Variants in CORO1C observed in about 807,000 individuals in gnomAD.
The protein encoded by CORO1C is coronin 1C.
In CORO1C, 14 loss-of-function variants were observed where a neutral mutation model predicts 51.2. That is an observed-to-expected ratio of 0.27 (90% CI 0.18 to 0.43). CORO1C has a LOEUF of 0.43. CORO1C is among the 20% of genes least tolerant of loss of function. The pLI is 1.00. For missense variants in CORO1C, 417 were observed against 607.8 expected (o/e 0.69, Z 3.30); for synonymous variants, 181 against 210.5 (o/e 0.86, Z 1.21).
At chr12:108,664,891 C>G (rs1244385952) in intron 3 of CORO1C, among the ~76,000 whole-genome samples, 1 of 152,180 alleles carries the variant, frequency 6.6e-6, no homozygotes, top group Non-Finnish European at 1.5e-5. Context: ...GACAGAAAAA[C>G]AATTATGAAA....
At chr12:108,660,631 C>T (rs1322071359) in intron 4 of CORO1C, among the ~76,000 whole-genome samples, 4 of 152,116 alleles carry the variant, frequency 2.6e-5, no homozygotes, top group Non-Finnish European at 5.9e-5. Context: ...ATATGCAGAA[C>T]ACGACAATCA....
intron 3 of CORO1C, chr12:108,668,571 G>C (rs902627871): frequency 6.6e-6 from 1 of 152,156 alleles, no homozygotes; most frequent in African/African-American, 2.4e-5. Flanking sequence ...GATTAGATAG[G>C]GTATTTTTGT....
intron 3 of CORO1C, chr12:108,668,324 T>G (rs80318260): frequency 6.6e-6 from 1 of 152,216 alleles, no homozygotes; most frequent in East Asian, 1.9e-4. Flanking sequence ...TATAATATCC[T>G]CTGGCAAATG....
In CORO1C at chr12:108,645,177, T is replaced by C. The variant is rs1257589392; in HGVS notation, c.*2226A>G. 6.6e-6 allele frequency: 1 copy of C among 150,378 alleles called. No individual in the cohort carries two copies. Among genetic ancestry groups the C allele is most frequent in the African/African-American group, 2.5e-5 (1 of 40,628 alleles). The allele number at this position is 150,378 out of a possible 1,614,324, so 9.3% of individuals were successfully genotyped here. ...TTTTGACAGAACACTATGGCCACTC[T>C]ATAAGAGCCGACCTAGGAGTAATTC... On this transcript the variant is annotated 3_prime_UTR_variant, in exon 11 of 11. Coordinates refer to ENST00000261401, the MANE Select transcript of CORO1C (RefSeq NM_014325.4).
intron 2 of CORO1C, among the ~76,000 whole-genome samples, chr12:108,696,163 G>C (rs1341241576): frequency 1.3e-5 from 2 of 152,122 alleles, no homozygotes; most frequent in African/African-American, 4.8e-5. Context: ...TCTTGTCCCA[G>C]GTAGTTTCTG....
At position 108,658,014 on chromosome 12, in the gene CORO1C, C is replaced by T. The variant is rs1359925329; in HGVS notation, c.631-591G>A. Among the ~76,000 whole-genome samples the T allele has an allele frequency of 6.6e-6, 1 of 152,114 alleles. No individual in the cohort carries two copies. The highest frequency in any genetic ancestry group is 1.5e-5 in the Non-Finnish European group (1 of 68,022). On this transcript the variant is annotated intron_variant, in intron 5 of 10. Transcript: ENST00000261401. The surrounding 1 kb of genome is among the most constrained non-coding windows in gnomAD (Gnocchi z 4.9). ...AGAACAACCACATCTCAGGAAGGGC[C>T]TCAGAGTGTGGCAAATGAGGACTTC...
intron 2 of CORO1C, among the ~76,000 whole-genome samples, chr12:108,691,060 G>A (rs765120641): frequency 1.3e-4 from 20 of 152,016 alleles, no homozygotes; most frequent in Admixed American, 1.1e-3. Context: ...CTTGGATGGT[G>A]GAGATGATAA....
rs140800408 is a variant in CORO1C, at chr12:108,651,114, G to A, written c.1001+1158C>T. Among the ~76,000 whole-genome samples the A allele has an allele frequency of 2.2e-3, 329 of 152,268 alleles. 1 individual carries two copies. The highest frequency in any genetic ancestry group is 7.3e-3 in the African/African-American group (303 of 41,550). On this transcript the variant is annotated intron_variant, in intron 8 of 10. Coordinates refer to ENST00000261401, the MANE Select transcript of CORO1C (RefSeq NM_014325.4). ...TTACAGGCACCCACGACCACACATA[G>A]CAAATTTTTTATTTTTAGTAGAGAT...
intron 6 of CORO1C, 59 bp from the exon 7 acceptor site, chr12:108,654,469 A>T: frequency 2.1e-6 from 2 of 972,890 alleles, no homozygotes; most frequent in Non-Finnish European, 3.1e-6. Context: ...TTAAAAATAA[A>T]TTTTTATAAC....
intron 4 of CORO1C, among the ~76,000 whole-genome samples, 178 bp from the exon 5 acceptor site, chr12:108,659,097 A>C (rs2033149699): frequency 6.6e-6 from 1 of 152,238 alleles, no homozygotes; most frequent in Non-Finnish European, 1.5e-5. Flanking sequence ...CCTACTTACT[A>C]ACAGCGTTAA....
rs35067523 is a variant in CORO1C, at chr12:108,645,230, TAAAAAAAAAA to T, written c.*2163_*2172del. 2.4e-5 allele frequency: 3 copies of T among 127,042 alleles called. No individual in the cohort carries two copies. The highest frequency in any genetic ancestry group is 7.9e-5 in the Admixed American group (1 of 12,584). 7.9% of individuals were successfully genotyped at this position (127,042 alleles called of 1,614,324 possible). ...TGTCCTCTTCTGGGATGTCATGGCT[TAAAAAAAAAA>T]AAAAAAAAAGACAAAACAGGAAAAT... On this transcript the variant is annotated 3_prime_UTR_variant, in exon 11 of 11. Coordinates refer to ENST00000261401, the MANE Select transcript of CORO1C (RefSeq NM_014325.4).
intron 2 of CORO1C, among the ~76,000 whole-genome samples, chr12:108,698,724 C>T (rs1265338413): frequency 6.6e-6 from 1 of 152,196 alleles, no homozygotes; most frequent in African/African-American, 2.4e-5. Context: ...AACTTTTATA[C>T]ACAGCTGCTT....
At chr12:108,675,669 A>G (rs1210722120) in intron 3 of CORO1C, among the ~76,000 whole-genome samples, 2 of 152,234 alleles carry the variant, frequency 1.3e-5, no homozygotes, top group African/African-American at 4.8e-5. Flanking sequence ...AAATTTTACC[A>G]GCTAAAAATT....
chr12:108,684,050 A>AACAG (rs1199547842), intron 2 of CORO1C, among the ~76,000 whole-genome samples: 1 of 152,204 alleles, frequency 6.6e-6, no homozygotes, highest in African/African-American at 2.4e-5. Flanking sequence ...AATGTAAATG[A>AACAG]ACAGACAAGT....
intron 1 of CORO1C, among the ~76,000 whole-genome samples, chr12:108,729,005 CAATT>C (rs920990609): frequency 1.3e-5 from 2 of 151,978 alleles, no homozygotes; most frequent in African/African-American, 4.8e-5. Flanking sequence ...TAAAACAGAC[CAATT>C]AATAATATGT....
At chr12:108,652,218 T>A (rs2032705602) in intron 8 of CORO1C, 54 bp downstream of exon 8, 7 of 1,549,912 alleles carry the variant, frequency 4.5e-6, no homozygotes, top group Non-Finnish European at 6.2e-6. Flanking sequence ...CAAGTACAAA[T>A]AATTGTCACA....
At chr12:108,654,465 A>C in intron 6 of CORO1C, 55 bp from the exon 7 acceptor site, 1 of 947,928 alleles carries the variant, frequency 1.1e-6, no homozygotes, top group Non-Finnish European at 1.6e-6. Flanking sequence ...TTTTTTAAAA[A>C]TAAATTTTTA....
Position 108,645,230 on chromosome 12 carries a change from T to TAAAAAAAAA in CORO1C, c.*2164_*2172dup, listed in dbSNP as rs35067523. ...TGTCCTCTTCTGGGATGTCATGGCTTAAAAAAAAAAAAAAAAAAAGACAAA... is the reference window on the plus strand; with the variant it reads ...TGTCCTCTTCTGGGATGTCATGGCTTAAAAAAAAAAAAAAAAAAAAAAAAAAAAGACAAA... On this transcript the variant is annotated 3_prime_UTR_variant, in exon 11 of 11. Transcript: ENST00000261401. 3 of 127,034 alleles carry TAAAAAAAAA rather than the reference T, an allele frequency of 2.4e-5. No homozygotes were observed. The highest frequency in any genetic ancestry group is 3.4e-5 in the Non-Finnish European group (2 of 59,240). 7.9% of individuals were successfully genotyped at this position (127,034 alleles called of 1,614,324 possible).
chr12:108,723,587 T>C (rs1565941428), intron 1 of CORO1C, among the ~76,000 whole-genome samples: 1 of 152,190 alleles, frequency 6.6e-6, no homozygotes, highest in Non-Finnish European at 1.5e-5. Flanking sequence ...TCAGCAGTTG[T>C]TGAGACATGG....
Sources: allele counts gnomAD v4.1 joint callset (sites outside exome capture counted in the v4.1 genomes callset), GRCh38; gene constraint gnomAD v4.1.1; non-coding constraint Gnocchi (gnomAD v3.1); transcripts MANE v1.5; gene names NCBI Gene and HGNC (gene_info 2026-07-23, HGNC 2026-07-21).